Variants in CDH22 observed in about 807,000 individuals in gnomAD.
CDH22 encodes the protein cadherin-22.
CDH22 carries 30 observed loss-of-function variants against 58.4 expected under a neutral mutation model. That is an observed-to-expected ratio of 0.51 (90% CI 0.38 to 0.70). CDH22 has a LOEUF of 0.70. Ranked by LOEUF, CDH22 falls within the 30% of genes least tolerant of loss-of-function variation. The pLI is 0.00. For missense variants in CDH22, 1,014 were observed against 1,233.9 expected (o/e 0.82, Z 2.67); for synonymous variants, 513 against 558.2 (o/e 0.92, Z 1.14).
rs1391128394 is a variant in CDH22, at chr20:46,251,849, T to C, written c.-399-156A>G. 1.3e-5 allele frequency among the ~76,000 whole-genome samples: 2 copies of C among 152,036 alleles called. No individual in the cohort carries two copies. Among genetic ancestry groups the C allele is most frequent in the African/African-American group, 4.8e-5 (2 of 41,366 alleles). On this transcript the variant is annotated intron_variant, in intron 1 of 11. Transcript: ENST00000537909. The surrounding 1 kb of genome is among the most constrained non-coding windows in gnomAD (Gnocchi z 6.7). ...ATCATAGCAACTCACAGTGGTCCCC[T>C]CTTCTTGGAGCCCATAGTCTAGTAG...
chr20:46,223,742 TC>T (rs1486307241), intron 4 of CDH22, among the ~76,000 whole-genome samples: 4 of 146,118 alleles, frequency 2.7e-5, no homozygotes, highest in Non-Finnish European at 4.5e-5. Context: ...TCTTTCTTTC[TC>T]TTTCCTCTTT....
chr20:46,256,144 A>C (rs1297348969), intron 1 of CDH22, among the ~76,000 whole-genome samples: 1 of 152,114 alleles, frequency 6.6e-6, no homozygotes, highest in East Asian at 1.9e-4. Flanking sequence ...TCATTTCACA[A>C]ATATTTATGA....
chr20:46,261,929 A>C (rs1384702143), intron 1 of CDH22, among the ~76,000 whole-genome samples: 1 of 152,056 alleles, frequency 6.6e-6, no homozygotes, highest in Non-Finnish European at 1.5e-5. Flanking sequence ...GCAACCAGTT[A>C]CTGCCTTAGC....
At chr20:46,200,798 G>C (rs752831770) in intron 7 of CDH22, among the ~76,000 whole-genome samples, 13 of 152,154 alleles carry the variant, frequency 8.5e-5, no homozygotes, top group Non-Finnish European at 1.8e-4. Context: ...GCGTGTACTG[G>C]GGAGCCAACG....
intron 8 of CDH22, among the ~76,000 whole-genome samples, chr20:46,187,643 T>C (rs1275501900): frequency 6.6e-6 from 1 of 151,950 alleles, no homozygotes; most frequent in African/African-American, 2.4e-5. Context: ...TCTTCCATAG[T>C]CACCACAACC....
chr20:46,306,730 G>C (rs544755934), intron 1 of CDH22, among the ~76,000 whole-genome samples: 1 of 152,328 alleles, frequency 6.6e-6, no homozygotes, highest in African/African-American at 2.4e-5. Context: ...TCGGGGTTGG[G>C]GGGGACGAGG....
At chr20:46,282,672 C>A (rs1285636055) in intron 1 of CDH22, among the ~76,000 whole-genome samples, 10 of 151,958 alleles carry the variant, frequency 6.6e-5, no homozygotes, top group Non-Finnish European at 1.5e-4. Context: ...AATTCAATAT[C>A]GGGTGGTTAA....
At chr20:46,175,298 A>G (rs1442427228) in intron 11 of CDH22, among the ~76,000 whole-genome samples, 1 of 152,152 alleles carries the variant, frequency 6.6e-6, no homozygotes, top group Non-Finnish European at 1.5e-5. Flanking sequence ...AGGTATGCAA[A>G]TCGAGGCTAG....
chr20:46,286,097 A>G (rs1600727134), intron 1 of CDH22, among the ~76,000 whole-genome samples: 1 of 152,316 alleles, frequency 6.6e-6, no homozygotes, highest in East Asian at 1.9e-4. Flanking sequence ...GAGTTTTTCT[A>G]CAAGGAAAAG....
At chr20:46,259,315 A>T (rs2086420806) in intron 1 of CDH22, among the ~76,000 whole-genome samples, 2 of 152,200 alleles carry the variant, frequency 1.3e-5, no homozygotes, top group Admixed American at 1.3e-4. Context: ...ACTACTAGGT[A>T]CCAAGTTCTG....
At chr20:46,302,616 A>G (rs1042867055) in intron 1 of CDH22, among the ~76,000 whole-genome samples, 5 of 152,028 alleles carry the variant, frequency 3.3e-5, no homozygotes, top group East Asian at 1.9e-4. Context: ...GATTCTTTCC[A>G]TTTTACAGAC....
intron 4 of CDH22, among the ~76,000 whole-genome samples, chr20:46,219,258 C>T (rs560171893): frequency 6.6e-6 from 1 of 152,342 alleles, no homozygotes; most frequent in South Asian, 2.1e-4. Flanking sequence ...GACCCCTTCT[C>T]TACCACCACT....
At chr20:46,247,045 C>T (rs1297898473) in intron 2 of CDH22, among the ~76,000 whole-genome samples, 1 of 91,028 alleles carries the variant, frequency 1.1e-5, no homozygotes, top group Non-Finnish European at 2.5e-5. Context: ...TAATGACAAC[C>T]TTCCCCCCCA....
At chr20:46,235,566 T>C (rs1164117421) in intron 3 of CDH22, among the ~76,000 whole-genome samples, 1 of 152,216 alleles carries the variant, frequency 6.6e-6, no homozygotes, top group East Asian at 1.9e-4. Flanking sequence ...TAATTTGTTC[T>C]GCAAACTTGC....
intron 8 of CDH22, among the ~76,000 whole-genome samples, chr20:46,192,530 G>C (rs116953862): frequency 2.0e-5 from 3 of 151,610 alleles, no homozygotes; most frequent in Non-Finnish European, 4.4e-5. Context: ...GAGAGAAAGA[G>C]AGAAGTGAAG....
At position 46,206,793 on chromosome 20, in the gene CDH22, T is replaced by C. The variant is rs139194951; in HGVS notation, c.1286+3514A>G. Among the ~76,000 whole-genome samples, 622 of 152,318 alleles carry C rather than the reference T, an allele frequency of 4.1e-3. 3 individuals are homozygous for C. The highest frequency in any genetic ancestry group is 0.014 in the African/African-American group (577 of 41,574). On this transcript the variant is annotated intron_variant, in intron 7 of 11. Transcript: ENST00000537909. ...TCTGCAGGAGAAGGCAAACTCCACG[T>C]GGGCAGGGATCCTGTTTTATCATCT...
chr20:46,189,849 C>T (rs1227780264), intron 8 of CDH22, among the ~76,000 whole-genome samples: 1 of 152,210 alleles, frequency 6.6e-6, no homozygotes, highest in South Asian at 2.1e-4. Flanking sequence ...CCCATTGCCA[C>T]TGCCATTGCC....
chr20:46,282,673 G>A (rs1444940465), intron 1 of CDH22, among the ~76,000 whole-genome samples: 1 of 152,086 alleles, frequency 6.6e-6, no homozygotes, highest in Admixed American at 6.5e-5. Context: ...ATTCAATATC[G>A]GGTGGTTAAA....
intron 1 of CDH22, among the ~76,000 whole-genome samples, chr20:46,296,888 G>T (rs1236300847): frequency 6.6e-6 from 1 of 152,178 alleles, no homozygotes; most frequent in Admixed American, 6.5e-5. Context: ...CCCGTAAGAC[G>T]AGCCTGATGG....
Sources: gnomAD v4.1 joint callset for allele counts (sites outside exome capture counted in the v4.1 genomes callset) on GRCh38, gnomAD v4.1.1 for gene constraint, Gnocchi (gnomAD v3.1) non-coding constraint, MANE v1.5 for transcripts, NCBI Gene and HGNC (gene_info 2026-07-23, HGNC 2026-07-21) for gene names.